KAZN: variants seen among roughly 807,000 people sequenced by gnomAD.
KAZN encodes the protein kazrin.
A neutral mutation model predicts 87.4 loss-of-function variants in KAZN; 40 were observed. The observed-to-expected ratio is 0.46, with a 90% CI of 0.36 to 0.60. KAZN has a LOEUF of 0.60. Among genes scored for constraint, KAZN ranks in the 20% least tolerant of loss-of-function variants. The pLI is 0.00. For synonymous variants in KAZN, 466 were observed against 458.3 expected, an observed-to-expected ratio of 1.02 and a Z score of -0.22; for missense variants, 898 against 1,073.9, an observed-to-expected ratio of 0.84 and a Z score of 2.29.
intron 1 of KAZN, among the ~76,000 whole-genome samples, chr1:14,174,529 T>C (rs1646027810): frequency 1.3e-5 from 2 of 152,200 alleles, no homozygotes; most frequent in African/African-American, 4.8e-5. Flanking sequence ...ATCTGCTTAT[T>C]TGAGCTATGT....
At chr1:14,519,975 T>C (rs1372430577) in intron 2 of KAZN, among the ~76,000 whole-genome samples, 4 of 152,124 alleles carry the variant, frequency 2.6e-5, no homozygotes, top group African/African-American at 9.7e-5. Flanking sequence ...AGCCCAGGCA[T>C]CTGTCACACA....
At chr1:14,386,312 C>T (rs1342754356) in intron 2 of KAZN, among the ~76,000 whole-genome samples, 1 of 146,950 alleles carries the variant, frequency 6.8e-6, no homozygotes, top group Admixed American at 6.8e-5. Context: ...AGTCCATTTA[C>T]ATTTAAAGTT....
At chr1:14,511,538 C>G (rs1254939198) in intron 2 of KAZN, among the ~76,000 whole-genome samples, 1 of 152,164 alleles carries the variant, frequency 6.6e-6, no homozygotes, top group Non-Finnish European at 1.5e-5. Flanking sequence ...TATGCTTTCA[C>G]AAAAGCAGAA....
intron 1 of KAZN, among the ~76,000 whole-genome samples, chr1:14,879,891 T>C (rs1046972912): frequency 4.6e-5 from 7 of 152,158 alleles, no homozygotes; most frequent in African/African-American, 1.7e-4. Context: ...ATCTCATTAA[T>C]CCTCACAACA....
At chr1:14,554,419 C>T (rs1673735074) in intron 2 of KAZN, among the ~76,000 whole-genome samples, 1 of 152,138 alleles carries the variant, frequency 6.6e-6, no homozygotes, top group Non-Finnish European at 1.5e-5. Flanking sequence ...ATTTAGTTGC[C>T]CCCTGATGGA....
At chr1:15,071,637 C>T (rs184977112) in intron 8 of KAZN, among the ~76,000 whole-genome samples, 12 of 152,312 alleles carry the variant, frequency 7.9e-5, no homozygotes, top group Admixed American at 5.2e-4. Flanking sequence ...ATATGCAGCA[C>T]GGTACTCTAT....
chr1:14,621,053 G>A (rs1678658775), intron 1 of KAZN, among the ~76,000 whole-genome samples: 1 of 152,160 alleles, frequency 6.6e-6, no homozygotes, highest in Non-Finnish European at 1.5e-5. Context: ...GCTCCAAGGA[G>A]GGGACATTTT....
chr1:14,944,859 C>T (rs1661551512), intron 1 of KAZN, among the ~76,000 whole-genome samples: 1 of 152,220 alleles, frequency 6.6e-6, no homozygotes, highest in Admixed American at 6.5e-5. Flanking sequence ...CTGCGGATGG[C>T]GGCACCATCC....
chr1:14,188,664 T>C (rs1646363065), intron 2 of KAZN, among the ~76,000 whole-genome samples: 1 of 152,140 alleles, frequency 6.6e-6, no homozygotes, highest in Non-Finnish European at 1.5e-5. Flanking sequence ...CCTCATAGAA[T>C]CTAGCCAGTA....
intron 2 of KAZN, among the ~76,000 whole-genome samples, chr1:14,276,595 A>G (rs1652378137): frequency 6.6e-6 from 1 of 152,018 alleles, no homozygotes; most frequent in Non-Finnish European, 1.5e-5. Context: ...CGACTTGTAG[A>G]TGGTCATCTT....
At chr1:13,967,254 A>G (rs141035980) in intron 1 of KAZN, among the ~76,000 whole-genome samples, 53 of 152,310 alleles carry the variant, frequency 3.5e-4, no homozygotes, top group African/African-American at 1.3e-3. Flanking sequence ...TTTTGGACAA[A>G]CGTGTGTGGA....
intron 1 of KAZN, among the ~76,000 whole-genome samples, chr1:13,925,113 A>G (rs1237521247): frequency 6.6e-6 from 1 of 152,146 alleles, no homozygotes; most frequent in African/African-American, 2.4e-5. Flanking sequence ...GCGACCACTC[A>G]TCTGCTTTCT....
chr1:14,198,555 G>A (rs545687344), intron 2 of KAZN, among the ~76,000 whole-genome samples: 6 of 152,060 alleles, frequency 3.9e-5, no homozygotes, highest in Non-Finnish European at 8.8e-5. Flanking sequence ...AGCTGAGATT[G>A]CGCCATTGCA....
intron 2 of KAZN, among the ~76,000 whole-genome samples, chr1:15,027,067 C>CTTTTTTTTTTT (rs1442824114): frequency 1.1e-4 from 7 of 62,202 alleles, no homozygotes; most frequent in African/African-American, 3.7e-4. Context: ...CAAGCCAGTG[C>CTTTTTTTTTTT]TTCTTTTTTT....
intron 1 of KAZN, among the ~76,000 whole-genome samples, chr1:14,884,944 C>A (rs988883875): frequency 6.6e-6 from 1 of 152,194 alleles, no homozygotes; most frequent in Non-Finnish European, 1.5e-5. Context: ...GGACCTTAGA[C>A]CCTGGCAGAG....
At chr1:14,524,002 G>A (rs1305175391) in intron 2 of KAZN, among the ~76,000 whole-genome samples, 4 of 45,992 alleles carry the variant, frequency 8.7e-5, no homozygotes, top group East Asian at 7.2e-4. Context: ...GTTTTGTTTT[G>A]TTTTGTTTTG....
At chr1:14,040,803 A>T (rs61777717) in intron 1 of KAZN, among the ~76,000 whole-genome samples, 293 of 150,760 alleles carry the variant, frequency 1.9e-3, no homozygotes, top group African/African-American at 5.8e-3. Flanking sequence ...TTAAATTAAA[A>T]TAAAATAAAA....
chr1:14,318,255 A>G (rs1396363786), intron 2 of KAZN, among the ~76,000 whole-genome samples: 2 of 152,058 alleles, frequency 1.3e-5, no homozygotes, highest in East Asian at 3.9e-4. Flanking sequence ...TTCAGTGACA[A>G]ATTCTCTCAA....
chr1:14,792,673 C>T (rs1487307428), intron 1 of KAZN, among the ~76,000 whole-genome samples: 1 of 152,096 alleles, frequency 6.6e-6, no homozygotes, highest in Non-Finnish European at 1.5e-5. Context: ...AGGAAAGCAG[C>T]GTGCATTTAA....
Sources: gnomAD v4.1 joint callset for allele counts (sites outside exome capture counted in the v4.1 genomes callset) on GRCh38, gnomAD v4.1.1 for gene constraint, MANE v1.5 for transcripts, NCBI Gene and HGNC (gene_info 2026-07-23, HGNC 2026-07-21) for gene names.